Variants in PAFAH1B2 observed in about 807,000 individuals in gnomAD.
PAFAH1B2 encodes the protein platelet activating factor acetylhydrolase 1b catalytic subunit 2.
A neutral mutation model predicts 28.0 loss-of-function variants in PAFAH1B2; 8 were observed. That is an observed-to-expected ratio of 0.29 (90% confidence interval 0.17 to 0.52). PAFAH1B2 has a LOEUF of 0.52. Among genes scored for constraint, PAFAH1B2 ranks in the 20% least tolerant of loss-of-function variants. The pLI, the probability that PAFAH1B2 is intolerant of heterozygous loss-of-function variation, is 0.97. For synonymous variants in PAFAH1B2, 104 were observed against 103.2 expected, an observed-to-expected ratio of 1.01 and a Z score of -0.05; for missense variants, 190 against 282.6, an observed-to-expected ratio of 0.67 and a Z score of 2.35.
rs536705945 is a variant in PAFAH1B2, at chr11:117,144,897, C to G, written c.-8+479C>G. ...GTCTAACTTCTCACTCTTCTCTCCC[C>G]TCGCGTCTGGTCGGAGGCCAAAACC... On this transcript the variant is annotated intron_variant, in intron 1 of 5. Coordinates refer to ENST00000527958, the MANE Select transcript of PAFAH1B2 (RefSeq NM_002572.4). Among the ~76,000 whole-genome samples the G allele has an allele frequency of 7.4e-4, 113 of 152,226 alleles. 1 individual carries two copies. Among genetic ancestry groups the G allele is most frequent in the Admixed American group, 1.4e-3 (21 of 15,284 alleles).
chr11:117,169,860 CAAAT>C lies in PAFAH1B2; in HGVS notation c.*2166_*2169del. 1 of 1,054,806 alleles carries C rather than the reference CAAAT, an allele frequency of 9.5e-7. No individual in the cohort carries two copies. Among genetic ancestry groups the C allele is most frequent in the Non-Finnish European group, 1.1e-6 (1 of 872,806 alleles). The allele number at this position is 1,054,806 out of a possible 1,614,324, so 65.3% of individuals were successfully genotyped here. On this transcript the variant is annotated 3_prime_UTR_variant, in exon 6 of 6. Coordinates refer to ENST00000527958, the MANE Select transcript of PAFAH1B2 (RefSeq NM_002572.4). ...TTTGTCAGAAGGTGGGAGTATGGTC[CAAAT>C]AAATCCATTAGGTTACTCCTGCAGC...
At chr11:117,153,422 C>T (rs545446316) in intron 2 of PAFAH1B2, among the ~76,000 whole-genome samples, 11 of 152,008 alleles carry the variant, frequency 7.2e-5, no homozygotes, top group African/African-American at 2.7e-4. Context: ...CTCACTCTTG[C>T]CCAGGCTGGA....
chr11:117,149,025 ACCT>A (rs1956080480), intron 1 of PAFAH1B2, among the ~76,000 whole-genome samples: 2 of 136,298 alleles, frequency 1.5e-5, no homozygotes, highest in African/African-American at 2.8e-5. Context: ...GCACCACAAC[ACCT>A]GCCAATTTTT....
chr11:117,153,012 G>C (rs570046575), intron 2 of PAFAH1B2, among the ~76,000 whole-genome samples: 6 of 152,298 alleles, frequency 3.9e-5, no homozygotes, highest in Admixed American at 6.5e-5. Context: ...GTTGCAGTGA[G>C]CCGAGATTGT....
chr11:117,174,019 T>TA (rs937222136), downstream of PAFAH1B2, among the ~76,000 whole-genome samples: 3 of 151,992 alleles, frequency 2.0e-5, no homozygotes, highest in Non-Finnish European at 4.4e-5. Context: ...CATTACATGA[T>TA]ACTAAAATCT....
chr11:117,153,208 A>G (rs1956190549), intron 2 of PAFAH1B2, among the ~76,000 whole-genome samples: 1 of 152,204 alleles, frequency 6.6e-6, no homozygotes, highest in Admixed American at 6.5e-5. Context: ...CACCATTCTG[A>G]TGTTGGAACT....
intron 1 of PAFAH1B2, among the ~76,000 whole-genome samples, chr11:117,151,209 T>C (rs1022579532): frequency 9.4e-5 from 14 of 148,774 alleles, no homozygotes; most frequent in South Asian, 6.3e-4. Context: ...TTTGGACTCA[T>C]CATTACTAAA....
At chr11:117,146,048 T>G (rs1442478348) in intron 1 of PAFAH1B2, among the ~76,000 whole-genome samples, 1 of 152,126 alleles carries the variant, frequency 6.6e-6, no homozygotes, top group African/African-American at 2.4e-5. Flanking sequence ...GAGTACAGTC[T>G]GTTGTGGCAA....
At chr11:117,152,647 G>T (rs186936552) in intron 2 of PAFAH1B2, 119 bp downstream of exon 2, 4 of 709,552 alleles carry the variant, frequency 5.6e-6, no homozygotes, top group Admixed American at 2.2e-5. Flanking sequence ...CAAACTGCAG[G>T]GCTCAAGTGA....
downstream of PAFAH1B2, among the ~76,000 whole-genome samples, chr11:117,172,271 A>C (rs371432891): frequency 1.3e-5 from 2 of 151,186 alleles, no homozygotes; most frequent in Non-Finnish European, 2.9e-5. Context: ...AAGATCTTCA[A>C]TGTTTTGCTA....
At chr11:117,158,410 C>G (rs1398360373) in intron 2 of PAFAH1B2, among the ~76,000 whole-genome samples, 1 of 151,994 alleles carries the variant, frequency 6.6e-6, no homozygotes, top group South Asian at 2.1e-4. Flanking sequence ...GAGATTACCA[C>G]TGTTTATAAA....
At position 117,168,669 on chromosome 11, in the gene PAFAH1B2, A is replaced by G. The variant is rs1956576938; in HGVS notation, c.*970A>G. 1.9e-6 allele frequency: 2 copies of G among 1,058,968 alleles called. No homozygotes were observed. Among genetic ancestry groups the G allele is most frequent in the African/African-American group, 1.7e-5 (1 of 60,102 alleles). The allele number at this position is 1,058,968 out of a possible 1,614,324, so 65.6% of individuals were successfully genotyped here. On this transcript the variant is annotated 3_prime_UTR_variant, in exon 6 of 6. Coordinates refer to ENST00000527958, the MANE Select transcript of PAFAH1B2 (RefSeq NM_002572.4). The stretch of plus-strand genomic sequence containing the variant: ...TTTGTTTTTCCCTTAAAACCTGTTA[A>G]CAGTTTTTTTTGGGGGTGGGGGGAT...
At position 117,169,703 on chromosome 11, in the gene PAFAH1B2, T is replaced by A; in HGVS notation, c.*2004T>A. The A allele has an allele frequency of 9.5e-7, 1 of 1,057,474 alleles. No individual in the cohort carries two copies. The highest frequency in any genetic ancestry group is 1.1e-6 in the Non-Finnish European group (1 of 874,474). The allele number at this position is 1,057,474 out of a possible 1,614,324, so 65.5% of individuals were successfully genotyped here. On this transcript the variant is annotated 3_prime_UTR_variant, in exon 6 of 6. Coordinates refer to ENST00000527958, the MANE Select transcript of PAFAH1B2 (RefSeq NM_002572.4). ...GTTTACGACATTAAAAATTTCCTTT[T>A]TATTTTTAGTAGCCCAGGTTGAGTT... is the stretch of plus-strand genomic sequence containing the variant.
intron 5 of PAFAH1B2, among the ~76,000 whole-genome samples, chr11:117,164,995 G>C (rs1477695879): frequency 7.3e-6 from 1 of 136,474 alleles, no homozygotes; most frequent in African/African-American, 2.7e-5. Context: ...TCGCTCTGTC[G>C]CCTAGGCTGG....
chr11:117,167,725 T>C lies in PAFAH1B2; in HGVS notation c.*26T>C. 1 of 1,491,462 alleles carries C rather than the reference T, an allele frequency of 6.7e-7. No homozygotes were observed. Among genetic ancestry groups the C allele is most frequent in the Non-Finnish European group, 9.0e-7 (1 of 1,116,000 alleles). 92.4% of individuals were successfully genotyped at this position (1,491,462 alleles called of 1,614,324 possible). ...CTGGCTCTTATCAGTGTTAATAGCA[T>C]CTCAGCTTCCTCAGATCAGTTCTAT... On this transcript the variant is annotated 3_prime_UTR_variant, in exon 6 of 6. Transcript: ENST00000527958.
At position 117,169,313 on chromosome 11, in the gene PAFAH1B2, A is replaced by C. The variant is rs765085277; in HGVS notation, c.*1614A>C. The C allele has an allele frequency of 1.1e-4, 118 of 1,046,136 alleles. No homozygotes were observed. The highest frequency in any genetic ancestry group is 1.7e-4 in the Admixed American group (3 of 18,032). The allele number at this position is 1,046,136 out of a possible 1,614,324, so 64.8% of individuals were successfully genotyped here. On this transcript the variant is annotated 3_prime_UTR_variant, in exon 6 of 6. Coordinates refer to ENST00000527958, the MANE Select transcript of PAFAH1B2 (RefSeq NM_002572.4). ...GAACTGCCATTAAAAAAAATGGGAT[A>C]ATAGATGATTTTATCAGTATACCTG...
rs1010557480 is a variant in PAFAH1B2, at chr11:117,170,457, T to C, written c.*2758T>C. On this transcript the variant is annotated 3_prime_UTR_variant, in exon 6 of 6. Coordinates refer to ENST00000527958, the MANE Select transcript of PAFAH1B2 (RefSeq NM_002572.4). ...CACGGGTGATCTAGGGCAGGCTGTC[T>C]TCCAGTCCATGTGTTCTCGGTCGCC... is the stretch of plus-strand genomic sequence containing the variant. 3.6e-5 allele frequency: 38 copies of C among 1,059,782 alleles called. No homozygotes were observed. The highest frequency in any genetic ancestry group is 5.4e-5 in the Admixed American group (1 of 18,392). 65.6% of individuals were successfully genotyped at this position (1,059,782 alleles called of 1,614,324 possible). A position where few individuals can be genotyped will look rare whatever the true frequency, so the allele number is the denominator to read the frequency against.
downstream of PAFAH1B2, among the ~76,000 whole-genome samples, chr11:117,172,404 ATTTTTTTTTTTTTT>A (rs375747711): frequency 1.0e-3 from 9 of 8,688 alleles, no homozygotes; most frequent in Non-Finnish European, 7.8e-4. Context: ...ATATATATAT[ATTTTTTTTTTTTTT>A]TTTTTTTTTT....
At chr11:117,149,948 T>G (rs1956110018) in intron 1 of PAFAH1B2, among the ~76,000 whole-genome samples, 1 of 151,906 alleles carries the variant, frequency 6.6e-6, no homozygotes, top group South Asian at 2.1e-4. Context: ...AATAGAAAAG[T>G]TAGCTGGGTG....
Sources: allele counts gnomAD v4.1 joint callset (sites outside exome capture counted in the v4.1 genomes callset), GRCh38; gene constraint gnomAD v4.1.1; transcripts MANE v1.5; gene names NCBI Gene and HGNC (gene_info 2026-07-23, HGNC 2026-07-21).